Variants in SPOCK1 observed in about 807,000 individuals in gnomAD.
The protein encoded by SPOCK1 is testican-1.
A neutral mutation model predicts 55.3 loss-of-function variants in SPOCK1; 23 were observed. The ratio of observed to expected loss-of-function variants is 0.42; its 90% CI spans 0.30 to 0.59. The LOEUF is 0.59. SPOCK1 is among the 20% of genes least tolerant of loss of function. SPOCK1 has a pLI of 0.22. For missense variants in SPOCK1, 499 were observed against 552.5 expected (o/e 0.90, Z 0.97); for synonymous variants, 226 against 221.0 (o/e 1.02, Z -0.20).
chr5:137,108,621 A>C (rs1753409932), intron 5 of SPOCK1, among the ~76,000 whole-genome samples: 1 of 152,198 alleles, frequency 6.6e-6, no homozygotes, highest in African/African-American at 2.4e-5. Context: ...TGGGAGAAGA[A>C]TATTACAACC....
At chr5:137,132,771 C>T (rs1181161204) in intron 4 of SPOCK1, among the ~76,000 whole-genome samples, 1 of 152,028 alleles carries the variant, frequency 6.6e-6, no homozygotes, top group African/African-American at 2.4e-5. Context: ...TGAACTGCCC[C>T]CTCTGGAAGC....
chr5:137,128,651 C>T (rs1033088605), intron 4 of SPOCK1, among the ~76,000 whole-genome samples: 1 of 152,206 alleles, frequency 6.6e-6, no homozygotes, highest in Admixed American at 6.5e-5. Flanking sequence ...CTGCCCTGGT[C>T]CCCCAGCTGT....
intron 3 of SPOCK1, among the ~76,000 whole-genome samples, chr5:137,183,221 T>A (rs560426768): frequency 1.3e-5 from 2 of 152,068 alleles, no homozygotes; most frequent in Non-Finnish European, 2.9e-5. Context: ...TCATCCCCAG[T>A]CACATTTGGC....
At chr5:137,197,864 C>T (rs1755334016) in intron 3 of SPOCK1, among the ~76,000 whole-genome samples, 1 of 152,122 alleles carries the variant, frequency 6.6e-6, no homozygotes. Flanking sequence ...ACAAGACAAT[C>T]TATATAAAGT....
rs1657332610 is a variant in SPOCK1 at position 137,174,485 on chromosome 5, T to A, written c.233-33791A>T. ...CCTAATTTCCAGCTCCACAACCAAA[T>A]CTGTTGCCCTCCTTTATACCATGTC... On this transcript the variant is annotated intron_variant, in intron 3 of 10. Transcript: ENST00000394945. Among the ~76,000 whole-genome samples, 5 of 152,330 alleles carry A rather than the reference T, an allele frequency of 3.3e-5. 1 individual carries two copies. The South Asian group carries it at 1.0e-3, about 32-fold the overall frequency.
intron 3 of SPOCK1, among the ~76,000 whole-genome samples, chr5:137,175,154 G>T (rs1000993773): frequency 6.6e-6 from 1 of 152,174 alleles, no homozygotes; most frequent in African/African-American, 2.4e-5. Flanking sequence ...TATGAAGAGG[G>T]AGAAATTACT....
intron 4 of SPOCK1, among the ~76,000 whole-genome samples, chr5:137,118,083 C>G (rs1170823962): frequency 6.6e-6 from 1 of 152,230 alleles, no homozygotes; most frequent in East Asian, 1.9e-4. Flanking sequence ...GGGTAGTACT[C>G]AATTAACATA....
intron 5 of SPOCK1, among the ~76,000 whole-genome samples, chr5:137,106,430 T>A (rs1753369143): frequency 6.6e-6 from 1 of 152,108 alleles, no homozygotes; most frequent in South Asian, 2.1e-4. Context: ...AGTGCTGGGC[T>A]CCCAGATGGT....
At chr5:137,292,447 A>G (rs1757389249) in intron 2 of SPOCK1, among the ~76,000 whole-genome samples, 1 of 136,200 alleles carries the variant, frequency 7.3e-6, no homozygotes, top group Non-Finnish European at 1.6e-5. Flanking sequence ...AAAAAAAAAA[A>G]AAAAAAAAAA....
intron 2 of SPOCK1, among the ~76,000 whole-genome samples, chr5:137,445,090 A>G (rs1333655965): frequency 6.6e-6 from 1 of 152,210 alleles, no homozygotes; most frequent in East Asian, 1.9e-4. Flanking sequence ...CAGGGCTCAC[A>G]TGAGCCAGGT....
chr5:137,229,663 C>T (rs1456462812), intron 3 of SPOCK1, among the ~76,000 whole-genome samples: 9 of 152,184 alleles, frequency 5.9e-5, no homozygotes, highest in Non-Finnish European at 2.9e-5. Flanking sequence ...CAGCAGTCCC[C>T]AGCCTTTTTG....
intron 5 of SPOCK1, among the ~76,000 whole-genome samples, chr5:137,102,382 A>C (rs1753287826): frequency 6.6e-6 from 1 of 152,148 alleles, no homozygotes; most frequent in Non-Finnish European, 1.5e-5. Context: ...TAAAATCCCT[A>C]TTCTCTGCTG....
chr5:137,273,913 T>C (rs17171273), intron 2 of SPOCK1, among the ~76,000 whole-genome samples: 26,365 of 152,112 alleles, frequency 0.17, 2,453 homozygotes, highest in East Asian at 0.35. Flanking sequence ...TCCTAGGAAA[T>C]ATGTAAAATG....
chr5:137,338,288 G>A (rs1336204550), intron 2 of SPOCK1, among the ~76,000 whole-genome samples: 4 of 151,480 alleles, frequency 2.6e-5, no homozygotes, highest in Non-Finnish European at 5.9e-5. Flanking sequence ...TTGTCCTTGC[G>A]ATAGTTTGCT....
At chr5:137,056,459 G>A (rs909910668) in intron 6 of SPOCK1, among the ~76,000 whole-genome samples, 1 of 152,072 alleles carries the variant, frequency 6.6e-6, no homozygotes, top group Non-Finnish European at 1.5e-5. Flanking sequence ...CTGGTGACTG[G>A]CCTGGCTTAG....
At chr5:137,208,099 G>A (rs1265412273) in intron 3 of SPOCK1, among the ~76,000 whole-genome samples, 1 of 152,072 alleles carries the variant, frequency 6.6e-6, no homozygotes, top group Non-Finnish European at 1.5e-5. Flanking sequence ...CAATTTAAAT[G>A]TCTTTTTCTC....
chr5:137,411,764 G>A lies in SPOCK1; in HGVS notation c.186+86609C>T, dbSNP rs185412748. On this transcript the variant is annotated intron_variant, in intron 2 of 10. Coordinates refer to ENST00000394945, the MANE Select transcript of SPOCK1 (RefSeq NM_004598.4). ...GCTCCCATCCTGCAAATGAGAGCAT[G>A]GCAAAGTGCAGGAAGTTAAATAAAT... Among the ~76,000 whole-genome samples, 293 of 152,290 alleles carry A rather than the reference G, an allele frequency of 1.9e-3. 1 individual carries two copies. Among genetic ancestry groups the A allele is most frequent in the Middle Eastern group, 0.014 (4 of 294 alleles).
intron 2 of SPOCK1, among the ~76,000 whole-genome samples, chr5:137,494,822 G>T (rs908542550): frequency 6.6e-6 from 1 of 152,176 alleles, no homozygotes; most frequent in Non-Finnish European, 1.5e-5. Flanking sequence ...AGGTACAAAT[G>T]AACAGAGGAA....
At chr5:137,180,735 T>C (rs1754955090) in intron 3 of SPOCK1, among the ~76,000 whole-genome samples, 2 of 152,198 alleles carry the variant, frequency 1.3e-5, no homozygotes, top group Non-Finnish European at 2.9e-5. Flanking sequence ...TGAGGAGGCC[T>C]CATTTCCCCT....
Sources: gnomAD v4.1 joint callset for allele counts (sites outside exome capture counted in the v4.1 genomes callset) on GRCh38, gnomAD v4.1.1 for gene constraint, MANE v1.5 for transcripts, NCBI Gene and HGNC (gene_info 2026-07-23, HGNC 2026-07-21) for gene names.